Variants in MAP1B observed in about 807,000 individuals in gnomAD.
MAP1B encodes the protein microtubule-associated protein 1B.
MAP1B carries 12 observed loss-of-function variants against 176.1 expected under a neutral mutation model. The ratio of observed to expected loss-of-function variants is 0.07; its 90% confidence interval spans 0.04 to 0.11. MAP1B has a LOEUF of 0.11. Ranked by LOEUF, MAP1B falls within the 10% of genes least tolerant of loss-of-function variation. MAP1B has a pLI of 1.00. For synonymous variants in MAP1B, 1,044 were observed against 1,135.0 expected (o/e 0.92, Z 1.61); for missense variants, 2,523 against 2,990.5 (o/e 0.84, Z 3.65).
intron 2 of MAP1B, among the ~76,000 whole-genome samples, chr5:72,151,218 AC>A (rs1212120234): frequency 6.6e-6 from 1 of 151,950 alleles, no homozygotes; most frequent in African/African-American, 2.4e-5. Context: ...CTTTATAACA[AC>A]CCACTCTCCT....
intron 2 of MAP1B, among the ~76,000 whole-genome samples, chr5:72,164,549 T>C (rs1004773432): frequency 9.8e-5 from 15 of 152,328 alleles, no homozygotes; most frequent in African/African-American, 2.6e-4. Context: ...TGTTGCCAAC[T>C]CATCTCTTTG....
At chr5:72,177,966 C>G (rs1292275173) in intron 2 of MAP1B, among the ~76,000 whole-genome samples, 2 of 152,044 alleles carry the variant, frequency 1.3e-5, no homozygotes, top group Admixed American at 6.5e-5. Flanking sequence ...TCCTTCCTCC[C>G]TTCCCTCCTT....
Position 72,206,638 on chromosome 5 carries a change from G to A in MAP1B, c.*1399G>A, listed in dbSNP as rs983972150. 10 of 152,114 alleles carry A rather than the reference G, an allele frequency of 6.6e-5. No homozygotes were observed. Among genetic ancestry groups the A allele is most frequent in the African/African-American group, 2.4e-4 (10 of 41,358 alleles). 9.4% of individuals were successfully genotyped at this position (152,114 alleles called of 1,614,324 possible). A position where few individuals can be genotyped will look rare whatever the true frequency, so the allele number is the denominator to read the frequency against. The stretch of plus-strand genomic sequence containing the variant: ...AGATATGTGAGAACTTTTCATAGAT[G>A]AACTTTTTAACAAATGTTTTCATTT... On this transcript the variant is annotated 3_prime_UTR_variant, in exon 7 of 7. Transcript: ENST00000296755.
rs987082249 is a variant in MAP1B at position 72,144,130 on chromosome 5, C to T, written c.286+28331C>T. Among the ~76,000 whole-genome samples, 7 of 152,164 alleles carry T rather than the reference C, an allele frequency of 4.6e-5. No individual in the cohort carries two copies. In the South Asian group the frequency reaches 6.2e-4, roughly 14 times the overall value. On this transcript the variant is annotated intron_variant, in intron 2 of 6. Coordinates refer to ENST00000296755, the MANE Select transcript of MAP1B (RefSeq NM_005909.5). ...ATGAGGTCACATTCTGAGGTTTCCACGTGGACATTTGTGGGGAATACTGTT... is the reference window on the plus strand; with the variant it reads ...ATGAGGTCACATTCTGAGGTTTCCATGTGGACATTTGTGGGGAATACTGTT...
At chr5:72,125,086 A>G (rs1341944467) in intron 2 of MAP1B, among the ~76,000 whole-genome samples, 1 of 152,238 alleles carries the variant, frequency 6.6e-6, no homozygotes, top group Admixed American at 6.5e-5. Context: ...TGTGTGAAAG[A>G]TGTGAAAACT....
chr5:72,190,443 C>A (rs1057268996), intron 4 of MAP1B, among the ~76,000 whole-genome samples: 1 of 152,196 alleles, frequency 6.6e-6, no homozygotes, highest in African/African-American at 2.4e-5. Flanking sequence ...GCCACATCTC[C>A]CAATCCTGTA....
chr5:72,131,695 G>A (rs1561293991), intron 2 of MAP1B, among the ~76,000 whole-genome samples: 1 of 152,198 alleles, frequency 6.6e-6, no homozygotes, highest in East Asian at 1.9e-4. Context: ...GGAAAGGTTT[G>A]TGTTGTAACA....
intron 2 of MAP1B, among the ~76,000 whole-genome samples, chr5:72,138,500 G>C (rs1745877854): frequency 6.6e-6 from 1 of 152,086 alleles, no homozygotes; most frequent in Non-Finnish European, 1.5e-5. Context: ...ACTTCACCCA[G>C]TAATTCCCTA....
At chr5:72,137,733 CTT>C (rs1459864295) in intron 2 of MAP1B, among the ~76,000 whole-genome samples, 2 of 152,186 alleles carry the variant, frequency 1.3e-5, no homozygotes, top group Admixed American at 1.3e-4. Context: ...CAGAACTATA[CTT>C]TCTCTTATTA....
intron 2 of MAP1B, among the ~76,000 whole-genome samples, chr5:72,145,939 A>C (rs976766178): frequency 6.6e-6 from 1 of 152,222 alleles, no homozygotes; most frequent in Non-Finnish European, 1.5e-5. Context: ...TAAGACCCAG[A>C]AATGTGGGCA....
At chr5:72,159,033 T>A (rs188305393) in intron 2 of MAP1B, among the ~76,000 whole-genome samples, 167 of 152,252 alleles carry the variant, frequency 1.1e-3, no homozygotes, top group Non-Finnish European at 2.0e-3. Flanking sequence ...GTTATTCCCA[T>A]GTACGATTGA....
chr5:72,169,277 C>T (rs1046327267), intron 2 of MAP1B, among the ~76,000 whole-genome samples: 1 of 152,160 alleles, frequency 6.6e-6, no homozygotes. Flanking sequence ...GTTTTTGGCC[C>T]TAATCACTTG....
At chr5:72,202,991 T>A (rs1747363351) in intron 5 of MAP1B, among the ~76,000 whole-genome samples, 1 of 152,194 alleles carries the variant, frequency 6.6e-6, no homozygotes, top group South Asian at 2.1e-4. Flanking sequence ...TTCATCAGTT[T>A]ATGAATGAGA....
chr5:72,184,343 C>T (rs895326992), intron 3 of MAP1B, among the ~76,000 whole-genome samples: 1 of 152,216 alleles, frequency 6.6e-6, no homozygotes, highest in Non-Finnish European at 1.5e-5. Context: ...AATCCCACAT[C>T]TGCCTCTTAC....
At position 72,195,945 on chromosome 5, in the gene MAP1B, G is replaced by A. The variant is rs756153336; in HGVS notation, c.2590G>A (p.Glu864Lys). The A allele has an allele frequency of 2.7e-5, 44 of 1,614,208 alleles. No individual in the cohort carries two copies. The highest frequency in any genetic ancestry group is 1.6e-4 in the Middle Eastern group (1 of 6,062). Residue 864 changes from glutamate to lysine, a missense_variant, in exon 5 of 7, where the codon GAA becomes AAA. Transcript: ENST00000296755. Reference sequence around the variant, plus strand: ...GCCTCAGCTGGAGCTAATCGAAGACGAAGAGAAACTGAAGGAAACTGAGCC... The same window carrying A: ...GCCTCAGCTGGAGCTAATCGAAGACAAAGAGAAACTGAAGGAAACTGAGCC... Reference protein sequence around the residue: ...IKPQLELIEDEEKLKETEPVE... With the variant: ...IKPQLELIEDKEKLKETEPVE...
rs1362947652 is a variant in MAP1B at position 72,193,961 on chromosome 5, C to T, written c.606C>T (p.Asp202=). 7 of 1,614,150 alleles carry T rather than the reference C, an allele frequency of 4.3e-6. No homozygotes were observed. In the Admixed American group the frequency reaches 1.2e-4, roughly 27 times the overall value. ...EEGDWKNSNL[D]RHNLQDFINI... ...GGGACTGGAAGAACTCCAATCTTGA[C>T]AGACACAATCTCCAAGACTTCATCA... Residue 202 remains aspartate (D), a synonymous_variant, in exon 5 of 7, where the codon GAC becomes GAT. Transcript: ENST00000296755.
intron 2 of MAP1B, among the ~76,000 whole-genome samples, chr5:72,173,205 C>T (rs1746579097): frequency 6.6e-6 from 1 of 152,170 alleles, no homozygotes; most frequent in Non-Finnish European, 1.5e-5. Context: ...TTTTCTTATT[C>T]AGCCCTTTAT....
intron 2 of MAP1B, among the ~76,000 whole-genome samples, chr5:72,176,418 G>A (rs537384684): frequency 7.9e-5 from 12 of 152,312 alleles, no homozygotes; most frequent in African/African-American, 2.6e-4. Flanking sequence ...GCGTGACAAG[G>A]GTCCCCAGGC....
At chr5:72,127,512 G>T (rs1745651395) in intron 2 of MAP1B, among the ~76,000 whole-genome samples, 1 of 151,842 alleles carries the variant, frequency 6.6e-6, no homozygotes, top group Non-Finnish European at 1.5e-5. Context: ...TAAAACCTAG[G>T]CGTCTGATGG....
Sources: allele counts gnomAD v4.1 joint callset (sites outside exome capture counted in the v4.1 genomes callset), GRCh38; gene constraint gnomAD v4.1.1; transcripts MANE v1.5; gene names NCBI Gene and HGNC (gene_info 2026-07-23, HGNC 2026-07-21).